Variants in ZMYM4 observed in about 807,000 individuals in gnomAD.
The protein encoded by ZMYM4 is zinc finger MYM-type protein 4.
A neutral mutation model predicts 183.2 loss-of-function variants in ZMYM4; 31 were observed. That is an observed-to-expected ratio of 0.17 (90% CI 0.13 to 0.23). The LOEUF (loss-of-function observed/expected upper bound fraction) is 0.23, where lower values mean the gene tolerates loss of function less well. ZMYM4 is among the 10% of genes least tolerant of loss of function. The pLI is 1.00. For synonymous variants in ZMYM4, 592 were observed against 631.2 expected (o/e 0.94, Z 0.93); for missense variants, 1,273 against 1,840.3 (o/e 0.69, Z 5.64).
intron 2 of ZMYM4, among the ~76,000 whole-genome samples, chr1:35,345,038 G>T (rs1015284925): frequency 6.6e-6 from 1 of 152,170 alleles, no homozygotes; most frequent in Non-Finnish European, 1.5e-5. Context: ...TGCACAGTCA[G>T]AGTCTGCATC....
intron 1 of ZMYM4, among the ~76,000 whole-genome samples, chr1:35,277,983 A>G (rs1472325154): frequency 2.0e-5 from 3 of 152,160 alleles, no homozygotes; most frequent in African/African-American, 7.2e-5. Context: ...AAAAACTGCT[A>G]CATACTTGGT....
intron 28 of ZMYM4, among the ~76,000 whole-genome samples, chr1:35,417,651 C>G (rs1388831451): frequency 6.6e-6 from 1 of 151,794 alleles, no homozygotes; most frequent in Non-Finnish European, 1.5e-5. Context: ...TGCGGAGATT[C>G]AAGGCTGCTG....
intron 2 of ZMYM4, among the ~76,000 whole-genome samples, chr1:35,354,886 T>C (rs564487639): frequency 6.6e-5 from 10 of 152,216 alleles, no homozygotes; most frequent in Admixed American, 3.3e-4. Flanking sequence ...GCAAATGTTT[T>C]TCTGTTAAGG....
chr1:35,414,879 T>C (rs1315297441), intron 27 of ZMYM4, among the ~76,000 whole-genome samples: 1 of 151,858 alleles, frequency 6.6e-6, no homozygotes, highest in Non-Finnish European at 1.5e-5. Context: ...AAACTCTGTC[T>C]CTACAAAAAA....
chr1:35,386,975 G>T, intron 11 of ZMYM4, 28 bp from the exon 12 acceptor site: 1 of 1,601,104 alleles, frequency 6.2e-7, no homozygotes. Context: ...AGATTAAATT[G>T]ATACTTTTTG....
At chr1:35,410,051 G>C (rs183416531) in intron 26 of ZMYM4, among the ~76,000 whole-genome samples, 1 of 152,154 alleles carries the variant, frequency 6.6e-6, no homozygotes, top group South Asian at 2.1e-4. Context: ...TTCCAATCAC[G>C]GCATCATATG....
At chr1:35,289,803 G>A (rs549843952) in intron 1 of ZMYM4, among the ~76,000 whole-genome samples, 4 of 152,152 alleles carry the variant, frequency 2.6e-5, no homozygotes, top group East Asian at 1.9e-4. Flanking sequence ...AATTGCCCCT[G>A]GTTGAATACC....
chr1:35,333,776 T>C (rs955314133), intron 2 of ZMYM4, among the ~76,000 whole-genome samples: 1 of 152,140 alleles, frequency 6.6e-6, no homozygotes, highest in Admixed American at 6.5e-5. Context: ...AATGGGATCA[T>C]ATACATACTT....
In ZMYM4 at chr1:35,386,883, A is replaced by G. The variant is rs894204706; in HGVS notation, c.1837-120A>G. The G allele has an allele frequency of 3.6e-5, 39 of 1,098,574 alleles. No homozygotes were observed. In the Admixed American group the frequency reaches 9.4e-4, roughly 27 times the overall value. 68.1% of individuals were successfully genotyped at this position (1,098,574 alleles called of 1,614,324 possible). On this transcript the variant is annotated intron_variant, in intron 11 of 29. Coordinates refer to ENST00000314607, the MANE Select transcript of ZMYM4 (RefSeq NM_005095.3). ...TAATAAGCTGCTCAGAGGCAGGAAC[A>G]TTGCCTGTTAACAGATGTACCTTAC...
chr1:35,344,348 C>A (rs1008519648), intron 2 of ZMYM4, among the ~76,000 whole-genome samples: 1 of 152,104 alleles, frequency 6.6e-6, no homozygotes, highest in Non-Finnish European at 1.5e-5. Context: ...GCCCCTGTGC[C>A]CAGCCGCTAG....
At chr1:35,347,688 G>C (rs540262722) in intron 2 of ZMYM4, among the ~76,000 whole-genome samples, 2 of 152,254 alleles carry the variant, frequency 1.3e-5, no homozygotes, top group South Asian at 4.1e-4. Context: ...CTATGTTACA[G>C]AAATTTTGGA....
chr1:35,381,872 C>T, intron 9 of ZMYM4, 114 bp downstream of exon 9: 3 of 1,277,108 alleles, frequency 2.3e-6, no homozygotes, highest in Non-Finnish European at 3.2e-6. Context: ...TGGCCAAGTG[C>T]CATGGCTCAC....
rs532714107 is a variant in ZMYM4, at chr1:35,351,736, T to G, written c.86-7189T>G. On this transcript the variant is annotated intron_variant, in intron 2 of 29. Coordinates refer to ENST00000314607, the MANE Select transcript of ZMYM4 (RefSeq NM_005095.3). ...GTGCAGGAGGAATATGTTAGAATAT[T>G]TCACAATATTTATTTATATGATAGT... 16 of 375,746 alleles carry G rather than the reference T, an allele frequency of 4.3e-5. No homozygotes were observed. The South Asian group carries it at 5.8e-4, about 14-fold the overall frequency. The allele number at this position is 375,746 out of a possible 1,614,324, so 23.3% of individuals were successfully genotyped here. A position where few individuals can be genotyped will look rare whatever the true frequency, so the allele number is the denominator to read the frequency against.
intron 2 of ZMYM4, among the ~76,000 whole-genome samples, chr1:35,354,774 A>G (rs184625659): frequency 7.9e-4 from 118 of 148,444 alleles, no homozygotes; most frequent in African/African-American, 2.8e-3. Context: ...TGTTGGGTCA[A>G]GAGTTCTGTG....
At chr1:35,320,342 G>A (rs1029187666) in intron 1 of ZMYM4, among the ~76,000 whole-genome samples, 1 of 152,120 alleles carries the variant, frequency 6.6e-6, no homozygotes, top group Non-Finnish European at 1.5e-5. Flanking sequence ...GAAAACTTCC[G>A]GATTGCTGAA....
At chr1:35,417,965 G>A (rs911031850) in intron 28 of ZMYM4, among the ~76,000 whole-genome samples, 4 of 151,630 alleles carry the variant, frequency 2.6e-5, no homozygotes, top group African/African-American at 4.8e-5. Flanking sequence ...CGGAGATTTC[G>A]CCGTTGCACT....
At chr1:35,310,902 C>T (rs769592841) in intron 1 of ZMYM4, among the ~76,000 whole-genome samples, 7 of 151,988 alleles carry the variant, frequency 4.6e-5, no homozygotes, top group Admixed American at 4.6e-4. Context: ...CTAATTCACA[C>T]GAGTATGAAA....
intron 1 of ZMYM4, among the ~76,000 whole-genome samples, chr1:35,321,725 T>C (rs2148812704): frequency 6.6e-6 from 1 of 152,190 alleles, no homozygotes; most frequent in East Asian, 1.9e-4. Context: ...TCATATAAAG[T>C]ACTTGGAAAA....
chr1:35,269,141 G>A, intron 1 of ZMYM4, 56 bp downstream of exon 1: 5 of 1,540,198 alleles, frequency 3.2e-6, no homozygotes, highest in South Asian at 1.2e-5. Context: ...GCCCGGGGCC[G>A]GGAATGGGCC....
Sources: allele counts gnomAD v4.1 joint callset (sites outside exome capture counted in the v4.1 genomes callset), GRCh38; gene constraint gnomAD v4.1.1; transcripts MANE v1.5; gene names NCBI Gene and HGNC (gene_info 2026-07-23, HGNC 2026-07-21).